Variants in SLC26A9 observed in about 807,000 individuals in gnomAD.
The protein encoded by SLC26A9 is solute carrier family 26 member 9.
Under a neutral mutation model 87.1 loss-of-function variants are expected in SLC26A9, and 46 were observed. That is an observed-to-expected ratio of 0.53 (90% confidence interval 0.42 to 0.67). The LOEUF (loss-of-function observed/expected upper bound fraction) is 0.67, where lower values mean the gene tolerates loss of function less well. Among genes scored for constraint, SLC26A9 ranks in the 30% least tolerant of loss-of-function variants. The pLI is 0.00. For synonymous variants in SLC26A9, 437 were observed against 409.1 expected (o/e 1.07, Z -0.82); for missense variants, 927 against 1,018.3 (o/e 0.91, Z 1.22).
intron 11 of SLC26A9, among the ~76,000 whole-genome samples, chr1:205,926,952 G>C (rs976851595): frequency 6.6e-6 from 1 of 152,180 alleles, no homozygotes; most frequent in Non-Finnish European, 1.5e-5. Flanking sequence ...TAGACTCTGA[G>C]GCCAGAAGGC....
intron 5 of SLC26A9, 50 bp from the exon 6 acceptor site, chr1:205,930,106 C>A: frequency 6.5e-7 from 1 of 1,547,892 alleles, no homozygotes; most frequent in South Asian, 1.2e-5. Flanking sequence ...TGTGGTTCAG[C>A]AGTTCCAACG....
At position 205,923,104 on chromosome 1, in the gene SLC26A9, C is replaced by T. The variant is rs142243310; in HGVS notation, c.1751G>A (p.Arg584Lys). The part of the protein sequence containing the change: ...KRRMRPTQQR[R>K]SLFMKTKTVS... ...CACCTTGGTTTTCATGAATAGAGAC[C>T]TCCTCTGTTGTGTGGGCCTCATTCT... Residue 584 changes from arginine to lysine, a missense_variant, in exon 16 of 21, where the codon AGG becomes AAG. By Grantham distance (26) the Arg-to-Lys change is conservative. Coordinates refer to ENST00000367135, the MANE Select transcript of SLC26A9 (RefSeq NM_052934.4). The T allele has an allele frequency of 1.9e-6, 3 of 1,613,932 alleles. No individual in the cohort carries two copies. The highest frequency in any genetic ancestry group is 1.7e-6 in the Non-Finnish European group (2 of 1,180,018).
At chr1:205,929,052 G>C (rs1659199035) in intron 7 of SLC26A9, 143 bp from the exon 8 acceptor site, 1 of 1,451,350 alleles carries the variant, frequency 6.9e-7, no homozygotes, top group African/African-American at 1.4e-5. Context: ...AGTAGAAAGA[G>C]AGGAAACGCC....
In SLC26A9 at chr1:205,921,524, G is replaced by A. The variant is rs374625933; in HGVS notation, c.2055+42C>T. The A allele has an allele frequency of 1.9e-3, 2,946 of 1,583,442 alleles. 39 individuals carry two copies. The South Asian group carries it at 0.022, about 12-fold the overall frequency. On this transcript the variant is annotated intron_variant, in intron 17 of 20. Transcript: ENST00000367135. The stretch of plus-strand genomic sequence containing the variant: ...AAGGGAATGTGGAGAGCAGAGCGGA[G>A]GGGGTGGAGTGGGTGGTGCTTGCTG...
At chr1:205,927,086 A>G in intron 11 of SLC26A9, 125 bp downstream of exon 11, 6 of 936,426 alleles carry the variant, frequency 6.4e-6, no homozygotes, top group Non-Finnish European at 1.0e-5. Flanking sequence ...TCTACCTCAC[A>G]GTTTGTGGTT....
At position 205,924,457 on chromosome 1, in the gene SLC26A9, G is replaced by T. The variant is rs781774368; in HGVS notation, c.1422C>A (p.Phe474Leu). The T allele has an allele frequency of 2.5e-6, 4 of 1,614,232 alleles. No individual in the cohort carries two copies. Among genetic ancestry groups the T allele is most frequent in the South Asian group, 1.1e-5 (1 of 91,078 alleles). Residue 474 changes from phenylalanine (F) to leucine (L), a missense_variant, in exon 13 of 21, where the codon TTC (phenylalanine) becomes TTA (leucine). Physicochemically the swap from Phe to Leu is conservative, Grantham distance 22. Coordinates refer to ENST00000367135, the MANE Select transcript of SLC26A9 (RefSeq NM_052934.4). Reference protein sequence around the residue: ...CIWVVSFLSSFFLSLPYGVAV... With the variant: ...CIWVVSFLSSLFLSLPYGVAV... ...CCACACCATAGGGCAGGCTGAGGAA[G>T]AAGGAGGAGAGGAAGCTCACTACCC...
In SLC26A9 at chr1:205,939,702, G is replaced by T. The variant is rs537372380; in HGVS notation, c.-19+3663C>A. Among the ~76,000 whole-genome samples, 450 of 152,194 alleles carry T rather than the reference G, an allele frequency of 3.0e-3. 3 individuals carry two copies. The Middle Eastern group carries it at 0.048, about 16-fold the overall frequency. On this transcript the variant is annotated intron_variant, in intron 1 of 20. Coordinates refer to ENST00000367135, the MANE Select transcript of SLC26A9 (RefSeq NM_052934.4). ...TCTCAGAGAACTAGCAGGGATGGGA[G>T]TCCCAGGGAATCCTCAGAGAGGGTG... is the stretch of plus-strand genomic sequence containing the variant.
At position 205,929,358 on chromosome 1, in the gene SLC26A9, TGG is replaced by T. The variant is rs750595635; in HGVS notation, c.718-4_718-3del. 1.9e-6 allele frequency: 3 copies of T among 1,613,556 alleles called. No homozygotes were observed. The highest frequency in any genetic ancestry group is 2.5e-6 in the Non-Finnish European group (3 of 1,179,682). On this transcript the variant is annotated splice_region_variant and splice_polypyrimidine_tract_variant and intron_variant, in intron 6 of 20. Coordinates refer to ENST00000367135, the MANE Select transcript of SLC26A9 (RefSeq NM_052934.4). Reference sequence around the variant, plus strand: ...GTTTTTGCAAATGTCAATGAAGGTCTGGGGGAAAGAGCATCATGCTCACAGGC... The same window carrying T: ...GTTTTTGCAAATGTCAATGAAGGTCTGGGAAAGAGCATCATGCTCACAGGC...
chr1:205,933,041 G>A lies in SLC26A9; in HGVS notation c.169C>T (p.Pro57Ser), dbSNP rs1419975955. 18 of 1,614,210 alleles carry A rather than the reference G, an allele frequency of 1.1e-5. No individual in the cohort carries two copies. Among genetic ancestry groups the A allele is most frequent in the East Asian group, 2.2e-5 (1 of 44,886 alleles). ...KIKAVVFGLL[P>S]VLSWLPKYKI... is the part of the protein sequence containing the mutation. The stretch of plus-strand genomic sequence containing the variant: ...TACTTGGGGAGCCAGGAGAGCACAG[G>A]CAGCAGCCCAAACACCACAGCTTTG... Residue 57 changes from proline to serine, a missense_variant, in exon 3 of 21, where the codon CCT becomes TCT. Physicochemically the swap from Pro to Ser is moderately conservative, Grantham distance 74 (BLOSUM62 -1). Coordinates refer to ENST00000367135, the MANE Select transcript of SLC26A9 (RefSeq NM_052934.4).
chr1:205,919,700 C>T (rs1658742223), intron 18 of SLC26A9, among the ~76,000 whole-genome samples: 1 of 152,108 alleles, frequency 6.6e-6, no homozygotes, highest in Non-Finnish European at 1.5e-5. Context: ...GTATATGCAC[C>T]CTTTGGAGGC....
intron 18 of SLC26A9, among the ~76,000 whole-genome samples, chr1:205,919,856 A>G (rs1658747848): frequency 1.3e-5 from 2 of 152,212 alleles, no homozygotes; most frequent in African/African-American, 4.8e-5. Context: ...CATAGGTAGA[A>G]ATAGATCCCT....
intron 18 of SLC26A9, among the ~76,000 whole-genome samples, chr1:205,919,561 G>T (rs1658735437): frequency 6.6e-6 from 1 of 152,136 alleles, no homozygotes; most frequent in Non-Finnish European, 1.5e-5. Context: ...CAGGGAGCTG[G>T]GTGTGTGTGT....
Position 205,913,982 on chromosome 1 carries a change from C to T in SLC26A9, c.*1375G>A, listed in dbSNP as rs1658473433. On this transcript the variant is annotated 3_prime_UTR_variant, in exon 21 of 21. Transcript: ENST00000367135. ...CTTGAGAAAAGCAGTGATGAGAGGC[C>T]AGAAGATTTTCTGTGCATTTCCACT... 6.6e-6 allele frequency: 1 copy of T among 152,172 alleles called. No individual in the cohort carries two copies. The highest frequency in any genetic ancestry group is 6.5e-5 in the Admixed American group (1 of 15,278). The allele number at this position is 152,172 out of a possible 1,614,324, so 9.4% of individuals were successfully genotyped here.
Position 205,921,737 on chromosome 1 carries a change from G to T in SLC26A9, c.1884C>A (p.Ser628Arg). The T allele has an allele frequency of 6.3e-7, 1 of 1,592,512 alleles. No homozygotes were observed. Among genetic ancestry groups the T allele is most frequent in the Non-Finnish European group, 8.5e-7 (1 of 1,169,606 alleles). The change falls in exon 17 of 21, where the codon AGC (serine) becomes AGA (arginine). Residue 628 changes from serine (S) to arginine (R), a missense_variant. Transcript: ENST00000367135. ...NGTSVSYITF[S>R]PDSSSPAQSE... ...TCTGGGCAGGTGAGGAGCTGTCAGG[G>T]CTGAAGGTGATATAGGACACGCTGG...
chr1:205,914,733 G>T lies in SLC26A9; in HGVS notation c.*624C>A, dbSNP rs1368378552. ...TCTGATGTGCTTGCTGACAGCAGTG[G>T]TGGTTTGGGCAGCCTTGGGGATGAT... On this transcript the variant is annotated 3_prime_UTR_variant, in exon 21 of 21. Transcript: ENST00000367135. 3 of 865,904 alleles carry T rather than the reference G, an allele frequency of 3.5e-6. No individual in the cohort carries two copies. The highest frequency in any genetic ancestry group is 5.3e-6 in the Non-Finnish European group (3 of 570,136). 53.6% of individuals were successfully genotyped at this position (865,904 alleles called of 1,614,324 possible). A position where few individuals can be genotyped will look rare whatever the true frequency, so the allele number is the denominator to read the frequency against.
chr1:205,921,077 G>A (rs567360173), intron 17 of SLC26A9, among the ~76,000 whole-genome samples: 125 of 152,356 alleles, frequency 8.2e-4, no homozygotes, highest in Non-Finnish European at 1.2e-3. Context: ...CGCCATTGGC[G>A]GTGGCTGCTG....
In SLC26A9 at chr1:205,927,590, C is replaced by T. The variant is rs570356378; in HGVS notation, c.1117G>A (p.Gly373Ser). ...AAGGAGCCAAAGAAGTTGCTGCAGC[C>T]GAGAGCGATCATCTCCTGCAGGGAG... ...VDSNQEMIAL[G>S]CSNFFGSFFK... is the part of the protein sequence containing the mutation. Residue 373 changes from glycine (G) to serine (S), a missense_variant, in exon 10 of 21, where the codon GGC becomes AGC. Gly to Ser is a moderately conservative substitution (Grantham distance 56). Coordinates refer to ENST00000367135, the MANE Select transcript of SLC26A9 (RefSeq NM_052934.4). 1.1e-5 allele frequency: 18 copies of T among 1,613,748 alleles called. No homozygotes were observed. Among genetic ancestry groups the T allele is most frequent in the East Asian group, 8.9e-5 (4 of 44,882 alleles).
rs750767197 is a variant in SLC26A9, at chr1:205,928,862, C to A, written c.918G>T (p.Lys306Asn). ...AISGGCKMPK[K>N]YHMQIVGEIQ... ...TTTCTCCCACGATCTGCATGTGATACTTTTTGGGCATCTTACAGCCCCCGG... is the reference window on the plus strand; with the variant it reads ...TTTCTCCCACGATCTGCATGTGATAATTTTTGGGCATCTTACAGCCCCCGG... The change falls in exon 8 of 21, where the codon AAG becomes AAT. Residue 306 changes from lysine to asparagine, a missense_variant. By Grantham distance (94) the Lys-to-Asn change is moderately conservative. Coordinates refer to ENST00000367135, the MANE Select transcript of SLC26A9 (RefSeq NM_052934.4). The A allele has an allele frequency of 6.2e-7, 1 of 1,614,102 alleles. No homozygotes were observed. The highest frequency in any genetic ancestry group is 8.5e-7 in the Non-Finnish European group (1 of 1,180,004).
chr1:205,923,504 G>A (rs1313135052), intron 14 of SLC26A9, 40 bp downstream of exon 14: 1 of 1,613,938 alleles, frequency 6.2e-7, no homozygotes, highest in Middle Eastern at 1.7e-4. Context: ...TTGGGGTGGT[G>A]CAGAGCAAAA....
Sources: gnomAD v4.1 joint callset for allele counts (sites outside exome capture counted in the v4.1 genomes callset) on GRCh38, gnomAD v4.1.1 for gene constraint, MANE v1.5 for transcripts, NCBI Gene and HGNC (gene_info 2026-07-23, HGNC 2026-07-21) for gene names.